BLM: variants seen among roughly 807,000 people sequenced by gnomAD.
BLM encodes recQ-like DNA helicase BLM.
A neutral mutation model predicts 135.3 loss-of-function variants in BLM; 95 were observed. The observed-to-expected ratio is 0.70, with a 90% CI of 0.59 to 0.83. The LOEUF is 0.83. Ranked by LOEUF, BLM falls within the 40% of genes least tolerant of loss-of-function variation. The pLI, the probability that BLM is intolerant of heterozygous loss-of-function variation, is 0.00. For synonymous variants in BLM, 520 were observed against 589.2 expected, an observed-to-expected ratio of 0.88 and a Z score of 1.70; for missense variants, 1,518 against 1,663.9, an observed-to-expected ratio of 0.91 and a Z score of 1.53.
chr15:90,798,927 G>T (rs974449687), intron 17 of BLM, among the ~76,000 whole-genome samples: 1 of 151,910 alleles, frequency 6.6e-6, no homozygotes, highest in African/African-American at 2.4e-5. Context: ...AGACTGCAGT[G>T]AGCTGAGATC....
At chr15:90,728,482 C>T (rs939595639) in intron 1 of BLM, among the ~76,000 whole-genome samples, 2 of 152,106 alleles carry the variant, frequency 1.3e-5, no homozygotes, top group African/African-American at 2.4e-5. Flanking sequence ...CCGCAACCAC[C>T]GCCTTCCAGG....
chr15:90,768,271 C>T (rs1435564422), intron 10 of BLM, among the ~76,000 whole-genome samples: 2 of 152,034 alleles, frequency 1.3e-5, no homozygotes, highest in South Asian at 2.1e-4. Context: ...AGCATGAACT[C>T]GACTTCTTAA....
chr15:90,724,947 C>T (rs1204630155), intron 1 of BLM, among the ~76,000 whole-genome samples: 3 of 151,932 alleles, frequency 2.0e-5, no homozygotes, highest in African/African-American at 7.3e-5. Flanking sequence ...CTCACTCTGT[C>T]GCCCAGGCTG....
chr15:90,790,816 T>A lies in BLM; in HGVS notation c.2991T>A (p.Asp997Glu). The change falls in exon 15 of 22, where the codon GAT becomes GAA. Residue 997 changes from aspartate to glutamate, a missense_variant. Transcript: ENST00000355112. ...SHCLLFYTYH[D>E]VTRLKRLIMM... ...GCCTGCTTTTCTATACCTATCATGA[T>A]GTGACCAGACTGAAAAGACTTATAA... The A allele has an allele frequency of 6.2e-7, 1 of 1,614,188 alleles. No individual in the cohort carries two copies. Among genetic ancestry groups the A allele is most frequent in the Non-Finnish European group, 8.5e-7 (1 of 1,180,012 alleles).
chr15:90,786,138 C>T (rs1383081014), intron 14 of BLM, among the ~76,000 whole-genome samples: 1 of 151,564 alleles, frequency 6.6e-6, no homozygotes, highest in East Asian at 1.9e-4. Context: ...GACAGGCGCA[C>T]CACTATGCCT....
intron 12 of BLM, among the ~76,000 whole-genome samples, chr15:90,773,194 C>T (rs574380395): frequency 4.0e-5 from 6 of 151,160 alleles, no homozygotes; most frequent in African/African-American, 1.5e-4. Context: ...CCAAGGGAGA[C>T]GGATCACCTG....
At chr15:90,763,851 C>T (rs915340344) in intron 8 of BLM, among the ~76,000 whole-genome samples, 4 of 152,148 alleles carry the variant, frequency 2.6e-5, no homozygotes, top group African/African-American at 4.8e-5. Flanking sequence ...CAGGGCAGAG[C>T]GCAAGGAGAA....
At chr15:90,719,207 G>C (rs1047547171) in intron 1 of BLM, among the ~76,000 whole-genome samples, 29 of 152,086 alleles carry the variant, frequency 1.9e-4, no homozygotes, top group African/African-American at 6.5e-4. Context: ...TAGCCAGGAT[G>C]GTCTCGATCT....
chr15:90,801,052 G>A (rs967292824), intron 17 of BLM, among the ~76,000 whole-genome samples: 3 of 152,036 alleles, frequency 2.0e-5, no homozygotes, highest in African/African-American at 7.3e-5. Flanking sequence ...AGGAGGCCGA[G>A]GCAGAAGAAT....
chr15:90,756,067 A>T (rs753136344), intron 5 of BLM, among the ~76,000 whole-genome samples: 1 of 151,250 alleles, frequency 6.6e-6, no homozygotes, highest in Non-Finnish European at 1.5e-5. Context: ...TAACTAATTC[A>T]GTCATCACCA....
chr15:90,746,358 A>G (rs1378476511), intron 1 of BLM, among the ~76,000 whole-genome samples: 1 of 152,206 alleles, frequency 6.6e-6, no homozygotes, highest in Non-Finnish European at 1.5e-5. Flanking sequence ...ATAACTAGCT[A>G]TATTACCTAA....
chr15:90,759,588 C>CCTTT (rs113032164), intron 5 of BLM, among the ~76,000 whole-genome samples: 260 of 147,874 alleles, frequency 1.8e-3, no homozygotes, highest in South Asian at 3.8e-3. Context: ...AGCCAGACCC[C>CCTTT]CTTTCTTTCT....
At chr15:90,727,400 C>G (rs28745017) in intron 1 of BLM, among the ~76,000 whole-genome samples, 1 of 152,038 alleles carries the variant, frequency 6.6e-6, no homozygotes, top group Non-Finnish European at 1.5e-5. Context: ...ATAACTTGTA[C>G]GTGAATGAGC....
intron 1 of BLM, among the ~76,000 whole-genome samples, 142 bp from the exon 2 acceptor site, chr15:90,747,237 CAAAAAAAAAA>C (rs59331923): frequency 2.1e-3 from 84 of 39,296 alleles, no homozygotes; most frequent in South Asian, 0.014. Context: ...GTCTATTGAC[CAAAAAAAAAA>C]AAAAAAAAAA....
At chr15:90,728,501 A>G (rs77073497) in intron 1 of BLM, among the ~76,000 whole-genome samples, 9 of 152,064 alleles carry the variant, frequency 5.9e-5, no homozygotes, top group African/African-American at 1.9e-4. Flanking sequence ...GGCTCAAGCA[A>G]TATTCCTGCC....
intron 8 of BLM, 78 bp from the exon 9 acceptor site, chr15:90,765,218 T>C: frequency 1.7e-6 from 2 of 1,162,878 alleles, no homozygotes; most frequent in Non-Finnish European, 2.6e-6. Context: ...CTATTAATGA[T>C]ATGATTTCTT....
intron 12 of BLM, among the ~76,000 whole-genome samples, chr15:90,775,888 T>C (rs1392116401): frequency 6.6e-6 from 1 of 152,106 alleles, no homozygotes; most frequent in Non-Finnish European, 1.5e-5. Context: ...AGATGAGGTC[T>C]CGTTATATTG....
At chr15:90,774,559 C>T (rs1045690653) in intron 12 of BLM, among the ~76,000 whole-genome samples, 5 of 151,002 alleles carry the variant, frequency 3.3e-5, no homozygotes, top group African/African-American at 1.2e-4. Context: ...TCAGGCCAGG[C>T]TCGGTGGCTC....
intron 5 of BLM, chr15:90,755,263 A>C: frequency 6.1e-6 from 2 of 326,136 alleles, no homozygotes; most frequent in South Asian, 6.3e-5. Context: ...CTTCCACAAA[A>C]TCCTGTGTTT....
Sources: allele counts gnomAD v4.1 joint callset (sites outside exome capture counted in the v4.1 genomes callset), GRCh38; gene constraint gnomAD v4.1.1; transcripts MANE v1.5; gene names NCBI Gene and HGNC (gene_info 2026-07-23, HGNC 2026-07-21).